Variants in TRPM2 observed in about 807,000 individuals in gnomAD.
The protein encoded by TRPM2 is estrogen-responsive element-associated gene 1 protein.
Under a neutral mutation model 174.0 loss-of-function variants are expected in TRPM2, and 161 were observed. That is an observed-to-expected ratio of 0.93 (90% CI 0.81 to 1.05). The LOEUF is 1.05. TRPM2 is among the 50% of genes least tolerant of loss of function. The probability of loss-of-function intolerance (pLI) is 0.00; values close to 1 mark genes in which losing one functional copy is unlikely to be tolerated. For synonymous variants in TRPM2, 954 were observed against 861.3 expected, an observed-to-expected ratio of 1.11 and a Z score of -1.88; for missense variants, 2,057 against 2,038.0, an observed-to-expected ratio of 1.01 and a Z score of -0.18.
chr21:44,351,148 C>T (rs942996011), upstream of TRPM2, among the ~76,000 whole-genome samples: 1 of 152,140 alleles, frequency 6.6e-6, no homozygotes, highest in African/African-American at 2.4e-5. Flanking sequence ...CTGGGCTGGG[C>T]TGGGCTGGCT....
intron 9 of TRPM2, among the ~76,000 whole-genome samples, chr21:44,389,574 T>A (rs1264113381): frequency 6.6e-6 from 1 of 152,246 alleles, no homozygotes; most frequent in East Asian, 1.9e-4. Flanking sequence ...TCTTTTAAAC[T>A]GTAGCCATCC....
Position 44,379,511 on chromosome 21 carries a change from G to T in TRPM2, c.1215+314G>T, listed in dbSNP as rs184873661. The stretch of plus-strand genomic sequence containing the variant: ...TGGATTGGAGGGGTGGGAGGCAGGC[G>T]CTGGGGAGGCCTCAGCCGAGTCGGG... On this transcript the variant is annotated intron_variant, in intron 8 of 31. Transcript: ENST00000397928. Among the ~76,000 whole-genome samples, 42 of 152,346 alleles carry T rather than the reference G, an allele frequency of 2.8e-4. No individual in the cohort carries two copies. In the East Asian group the frequency reaches 5.6e-3, roughly 20 times the overall value.
chr21:44,399,204 G>C lies in TRPM2; in HGVS notation c.2063-92G>C. ...CCTGTGCCCTTCCCTGTGTCCTGGT[G>C]GTGCTGTCCCGAGTGGTTGCCCTCT... On this transcript the variant is annotated intron_variant, in intron 13 of 31. Coordinates refer to ENST00000397928, the MANE Select transcript of TRPM2 (RefSeq NM_003307.4). This position sits in a 1 kb window ranked among gnomAD's most constrained non-coding sequence, Gnocchi z 4.6. 2.0e-6 allele frequency: 3 copies of C among 1,471,966 alleles called. No homozygotes were observed. The highest frequency in any genetic ancestry group is 2.7e-6 in the Non-Finnish European group (3 of 1,097,762). The allele number at this position is 1,471,966 out of a possible 1,614,324, so 91.2% of individuals were successfully genotyped here.
intron 31 of TRPM2, among the ~76,000 whole-genome samples, chr21:44,441,456 A>G (rs1210856712): frequency 1.3e-5 from 2 of 152,208 alleles, no homozygotes; most frequent in Non-Finnish European, 2.9e-5. Flanking sequence ...CGGGCTTTAA[A>G]TGCGGGCTAA....
rs1460666946 is a variant in TRPM2 at position 44,399,928 on chromosome 21, C to T, written c.2209-331C>T. Reference sequence around the variant, plus strand: ...GAGCTATTGCCAAGTCCATGAGCTCCCGTCATGTCCTGGGCTGTGCCAGGC... The same window carrying T: ...GAGCTATTGCCAAGTCCATGAGCTCTCGTCATGTCCTGGGCTGTGCCAGGC... On this transcript the variant is annotated intron_variant, in intron 14 of 31. Transcript: ENST00000397928. This position sits in a 1 kb window ranked among gnomAD's most constrained non-coding sequence, Gnocchi z 4.6. 6.6e-6 allele frequency among the ~76,000 whole-genome samples: 1 copy of T among 152,168 alleles called. No homozygotes were observed. The highest frequency in any genetic ancestry group is 2.4e-5 in the African/African-American group (1 of 41,430).
rs118075805 is a variant in TRPM2, at chr21:44,366,954, G to T, written c.604+20G>T. 16,755 of 1,557,752 alleles carry T rather than the reference G, an allele frequency of 0.011. 118 individuals carry two copies. Among genetic ancestry groups the T allele is most frequent in the Non-Finnish European group, 0.014 (15,612 of 1,148,198 alleles). On this transcript the variant is annotated intron_variant, in intron 4 of 31. Coordinates refer to ENST00000397928, the MANE Select transcript of TRPM2 (RefSeq NM_003307.4). The surrounding 1 kb of genome is among the most constrained non-coding windows in gnomAD (Gnocchi z 6.0). ...CCACAGGTAACTCGGAGGCTGGAGGGACACGAGGCCCCGGCGGGTGGGGTG... is the reference window on the plus strand; with the variant it reads ...CCACAGGTAACTCGGAGGCTGGAGGTACACGAGGCCCCGGCGGGTGGGGTG...
In TRPM2 at chr21:44,379,056, C is replaced by T. The variant is rs200375079; in HGVS notation, c.1074C>T (p.Arg358=). Residue 358 remains arginine, a synonymous_variant, in exon 8 of 32, where the codon CGC becomes CGT. Coordinates refer to ENST00000397928, the MANE Select transcript of TRPM2 (RefSeq NM_003307.4). ...GTGTGGTTGTGGAGGGCTCGGGCCGCGTGGCCGACGTCATTGCCCAGGTGG... is the reference window on the plus strand; with the variant it reads ...GTGTGGTTGTGGAGGGCTCGGGCCGTGTGGCCGACGTCATTGCCCAGGTGG... ...TPCVVVEGSG[R]VADVIAQVAN... 3.4e-5 allele frequency: 54 copies of T among 1,611,708 alleles called. No individual in the cohort carries two copies. The East Asian group carries it at 6.7e-4, about 20-fold the overall frequency.
At chr21:44,430,014 G>A (rs2050968784) in intron 27 of TRPM2, among the ~76,000 whole-genome samples, 1 of 152,176 alleles carries the variant, frequency 6.6e-6, no homozygotes, top group South Asian at 2.1e-4. Context: ...TTCTGCCATT[G>A]ATTGAGATAG....
chr21:44,418,528 A>T lies in TRPM2; in HGVS notation c.3434A>T (p.Glu1145Val). 6.2e-7 allele frequency: 1 copy of T among 1,614,114 alleles called. No individual in the cohort carries two copies. Among genetic ancestry groups the T allele is most frequent in the Non-Finnish European group, 8.5e-7 (1 of 1,180,008 alleles). ...NRQFQQKQRP[E>V]QKIEDISNKV... ...CAGTTCCAGCAAAAGCAGCGGCCCG[A>T]GCAGAAGATCGAGGACATCAGCAAT... Residue 1145 changes from glutamate to valine, a missense_variant, in exon 22 of 32, where the codon GAG becomes GTG. Physicochemically the swap from Glu to Val is moderately radical, Grantham distance 121 (BLOSUM62 -2). Coordinates refer to ENST00000397928, the MANE Select transcript of TRPM2 (RefSeq NM_003307.4).
intron 20 of TRPM2, among the ~76,000 whole-genome samples, chr21:44,416,955 C>T (rs1204779703): frequency 7.5e-5 from 10 of 132,512 alleles, no homozygotes; most frequent in Middle Eastern, 5.3e-3. Context: ...ACAGTGGGCA[C>T]GTGGGCGTGG....
At chr21:44,380,155 CAG>C (rs2048837066) in intron 8 of TRPM2, among the ~76,000 whole-genome samples, 1 of 152,224 alleles carries the variant, frequency 6.6e-6, no homozygotes, top group Non-Finnish European at 1.5e-5. Context: ...GATTCAGAAG[CAG>C]AGTTTCTCTG....
chr21:44,409,257 G>A lies in TRPM2; in HGVS notation c.2962+2492G>A, dbSNP rs151167065. Among the ~76,000 whole-genome samples, 226 of 152,216 alleles carry A rather than the reference G, an allele frequency of 1.5e-3. 3 individuals are homozygous for A. The highest frequency in any genetic ancestry group is 0.01 in the Middle Eastern group (3 of 294). ...TTCTACTAAGTGTTTTATAGCTTTC[G>A]CTTTTTGTTTGCCCTGGTGTGCGGT... On this transcript the variant is annotated intron_variant, in intron 19 of 31. Transcript: ENST00000397928.
chr21:44,396,662 A>AG (rs1351764245), intron 12 of TRPM2, among the ~76,000 whole-genome samples: 1 of 6,954 alleles, frequency 1.4e-4, no homozygotes, highest in Non-Finnish European at 2.6e-4. Flanking sequence ...AGGGGTGTGG[A>AG]GGCTGTGGAG....
At position 44,366,351 on chromosome 21, in the gene TRPM2, G is replaced by T. The variant is rs1232241372; in HGVS notation, c.424-403G>T. On this transcript the variant is annotated intron_variant, in intron 3 of 31. Coordinates refer to ENST00000397928, the MANE Select transcript of TRPM2 (RefSeq NM_003307.4). This position sits in a 1 kb window ranked among gnomAD's most constrained non-coding sequence, Gnocchi z 6.0. ...AGTGCTGGGTGCACAAGGACAGAAG[G>T]GCAGAGACCCCGGTGCAGGAGCTGA... 6.6e-6 allele frequency among the ~76,000 whole-genome samples: 1 copy of T among 152,086 alleles called. No homozygotes were observed. The highest frequency in any genetic ancestry group is 1.5e-5 in the Non-Finnish European group (1 of 68,000).
chr21:44,406,883 A>G (rs1392626547), intron 19 of TRPM2, 118 bp downstream of exon 19: 8 of 1,327,284 alleles, frequency 6.0e-6, no homozygotes, highest in Non-Finnish European at 8.2e-6. Context: ...TGCGGTTCCC[A>G]CCTGGCCGGT....
chr21:44,370,148 C>G (rs1481960757), intron 5 of TRPM2, among the ~76,000 whole-genome samples: 1 of 152,094 alleles, frequency 6.6e-6, no homozygotes, highest in African/African-American at 2.4e-5. Flanking sequence ...GAGGGGTCCA[C>G]GTGACAGTCA....
At chr21:44,368,620 C>A (rs1316452885) in intron 4 of TRPM2, among the ~76,000 whole-genome samples, 4 of 150,770 alleles carry the variant, frequency 2.7e-5, no homozygotes, top group African/African-American at 9.8e-5. Flanking sequence ...TTAGTAGAGA[C>A]GGGGTTTCAC....
chr21:44,434,443 G>A (rs1052846579), intron 27 of TRPM2, among the ~76,000 whole-genome samples: 2 of 152,018 alleles, frequency 1.3e-5, no homozygotes, highest in African/African-American at 4.8e-5. Flanking sequence ...GGACTATGGC[G>A]GGGATGCTGC....
In TRPM2 at chr21:44,439,845, C is replaced by T. The variant is rs1250449231; in HGVS notation, c.4269+677C>T. 6.6e-6 allele frequency among the ~76,000 whole-genome samples: 1 copy of T among 152,148 alleles called. No homozygotes were observed. The highest frequency in any genetic ancestry group is 1.5e-5 in the Non-Finnish European group (1 of 68,018). Reference sequence around the variant, plus strand: ...CAAGCAATGCTCTTGCCTTGGCCTCCCAGGCAGCAGGGGCTGCAGCGGTGA... The same window carrying T: ...CAAGCAATGCTCTTGCCTTGGCCTCTCAGGCAGCAGGGGCTGCAGCGGTGA... On this transcript the variant is annotated intron_variant, in intron 30 of 31. Coordinates refer to ENST00000397928, the MANE Select transcript of TRPM2 (RefSeq NM_003307.4). This position sits in a 1 kb window ranked among gnomAD's most constrained non-coding sequence, Gnocchi z 5.1.
Sources: gnomAD v4.1 joint callset for allele counts (sites outside exome capture counted in the v4.1 genomes callset) on GRCh38, gnomAD v4.1.1 for gene constraint, Gnocchi (gnomAD v3.1) non-coding constraint, MANE v1.5 for transcripts, NCBI Gene and HGNC (gene_info 2026-07-23, HGNC 2026-07-21) for gene names.